POFUT3: variants seen among roughly 807,000 people sequenced by gnomAD.
POFUT3 encodes protein O-fucosyltransferase 3.
At chr8:33,363,286 T>C in the POFUT3 span, among the ~76,000 whole-genome samples, 1 of 152,130 alleles carries the variant, frequency 6.6e-6, no homozygotes, top group Non-Finnish European at 1.5e-5. Context: ...AGAGGGAAAT[T>C]TATATCACTA....
At chr8:33,319,875 G>A in the POFUT3 span, among the ~76,000 whole-genome samples, 2,490 of 146,082 alleles carry the variant, frequency 0.017, 68 homozygotes, top group African/African-American at 0.061. Flanking sequence ...GGTGAAGAAG[G>A]TATAGCTAGC....
the POFUT3 span, among the ~76,000 whole-genome samples, chr8:33,449,453 C>T: frequency 6.6e-6 from 1 of 151,908 alleles, no homozygotes; most frequent in African/African-American, 2.4e-5. Context: ...CCATACCTGG[C>T]TAATTTTTGT....
the POFUT3 span, among the ~76,000 whole-genome samples, chr8:33,321,012 A>G: frequency 6.6e-6 from 1 of 152,058 alleles, no homozygotes; most frequent in African/African-American, 2.4e-5. Flanking sequence ...ATCAATATTC[A>G]TAAGACCTCC....
At chr8:33,415,139 G>A in the POFUT3 span, among the ~76,000 whole-genome samples, 2 of 152,050 alleles carry the variant, frequency 1.3e-5, no homozygotes, top group South Asian at 4.1e-4. Flanking sequence ...GCATGTGCCT[G>A]TAGGCCCAGT....
At chr8:33,369,288 T>G in the POFUT3 span, among the ~76,000 whole-genome samples, 1 of 152,234 alleles carries the variant, frequency 6.6e-6, no homozygotes, top group African/African-American at 2.4e-5. Context: ...GACAGTATGT[T>G]GCAGAGTAGC....
At chr8:33,336,656 G>A in the POFUT3 span, among the ~76,000 whole-genome samples, 1 of 152,206 alleles carries the variant, frequency 6.6e-6, no homozygotes, top group African/African-American at 2.4e-5. Flanking sequence ...CCCTGAAAAA[G>A]GTTTATGCCA....
the POFUT3 span, among the ~76,000 whole-genome samples, chr8:33,347,314 G>T: frequency 3.9e-5 from 6 of 152,112 alleles, no homozygotes; most frequent in Non-Finnish European, 8.8e-5. Context: ...AAGTACCATA[G>T]GTTCTGCAAA....
At chr8:33,427,575 G>A in the POFUT3 span, among the ~76,000 whole-genome samples, 49 of 151,538 alleles carry the variant, frequency 3.2e-4, no homozygotes, top group Middle Eastern at 3.4e-3. Flanking sequence ...GCGAAACTCC[G>A]TCTCAAAAAA....
At chr8:33,356,203 G>T in the POFUT3 span, among the ~76,000 whole-genome samples, 1 of 152,092 alleles carries the variant, frequency 6.6e-6, no homozygotes, top group Non-Finnish European at 1.5e-5. Context: ...GGGATGGCTG[G>T]GTCAAATGGT....
At chr8:33,349,409 G>A in the POFUT3 span, among the ~76,000 whole-genome samples, 3 of 152,162 alleles carry the variant, frequency 2.0e-5, no homozygotes, top group African/African-American at 7.2e-5. Flanking sequence ...TGTACCCAGT[G>A]TGTAGTCTTT....
chr8:33,341,514 A>G, the POFUT3 span, among the ~76,000 whole-genome samples: 1 of 152,024 alleles, frequency 6.6e-6, no homozygotes, highest in Non-Finnish European at 1.5e-5. Flanking sequence ...TATTTCAGTA[A>G]AGAGGAAGGC....
chr8:33,470,529 G>A, the POFUT3 span, among the ~76,000 whole-genome samples: 1 of 152,080 alleles, frequency 6.6e-6, no homozygotes, highest in Non-Finnish European at 1.5e-5. Flanking sequence ...TTTCATCTTT[G>A]TTTTTCCTAT....
At chr8:33,440,033 A>T in the POFUT3 span, among the ~76,000 whole-genome samples, 1 of 151,950 alleles carries the variant, frequency 6.6e-6, no homozygotes, top group Admixed American at 6.6e-5. Flanking sequence ...CTCAAATGTT[A>T]GGTCCTCAGA....
chr8:33,438,442 G>A, the POFUT3 span, among the ~76,000 whole-genome samples: 9 of 152,102 alleles, frequency 5.9e-5, no homozygotes, highest in Non-Finnish European at 7.4e-5. Flanking sequence ...AGCCAGGTGC[G>A]GTGGCGCATG....
the POFUT3 span, among the ~76,000 whole-genome samples, chr8:33,400,387 A>G: frequency 6.6e-6 from 1 of 152,284 alleles, no homozygotes; most frequent in East Asian, 1.9e-4. Flanking sequence ...CGGAAGGCAG[A>G]GGTTGCAGTG....
the POFUT3 span, among the ~76,000 whole-genome samples, chr8:33,357,689 A>G: frequency 2.0e-5 from 3 of 151,906 alleles, no homozygotes; most frequent in Non-Finnish European, 4.4e-5. Flanking sequence ...TTGTGCATGC[A>G]CATACACGTG....
the POFUT3 span, among the ~76,000 whole-genome samples, chr8:33,422,988 T>C: frequency 1.3e-5 from 2 of 152,098 alleles, no homozygotes; most frequent in Non-Finnish European, 2.9e-5. Flanking sequence ...GATAATTCTT[T>C]GTATTTTTTG....
the POFUT3 span, among the ~76,000 whole-genome samples, chr8:33,374,859 CT>C: frequency 1.4e-5 from 2 of 147,876 alleles, no homozygotes; most frequent in South Asian, 2.3e-4. Flanking sequence ...AAGACATTTT[CT>C]TTTTTTTCTT....
At chr8:33,441,570 G>A in the POFUT3 span, among the ~76,000 whole-genome samples, 1 of 151,512 alleles carries the variant, frequency 6.6e-6, no homozygotes, top group Admixed American at 6.6e-5. Context: ...TTGTAGTGAT[G>A]GGGTTTCCAT....
Sources: gnomAD v4.1 joint callset for allele counts (sites outside exome capture counted in the v4.1 genomes callset) on GRCh38, gnomAD v4.1.1 for gene constraint, MANE v1.5 for transcripts, NCBI Gene and HGNC (gene_info 2026-07-23, HGNC 2026-07-21) for gene names.